The following SKIC3 variants were observed in gnomAD, a reference collection of about 807,000 sequenced individuals.
SKIC3 encodes SKI3 subunit of superkiller complex.
the SKIC3 span, among the ~76,000 whole-genome samples, chr5:95,504,093 G>T: frequency 1.1e-4 from 15 of 139,002 alleles, no homozygotes; most frequent in Non-Finnish European, 2.1e-4. Flanking sequence ...GGGTGGGGGT[G>T]GGGGGTGGGG....
chr5:95,495,032 A>G, the SKIC3 span: 1 of 1,613,018 alleles, frequency 6.2e-7, no homozygotes, highest in East Asian at 2.2e-5. Flanking sequence ...AACAGAAAAT[A>G]TTGATGATTT....
At chr5:95,540,629 T>C in the SKIC3 span, 1 of 1,592,870 alleles carries the variant, frequency 6.3e-7, no homozygotes. Flanking sequence ...GTTTCCATTT[T>C]CTAAATTCAA....
the SKIC3 span, among the ~76,000 whole-genome samples, chr5:95,522,691 G>C: frequency 1.3e-5 from 2 of 151,898 alleles, no homozygotes; most frequent in Non-Finnish European, 2.9e-5. Context: ...GGAAACAATA[G>C]GCATGCTTTA....
the SKIC3 span, chr5:95,491,090 A>T: frequency 6.2e-7 from 1 of 1,605,240 alleles, no homozygotes; most frequent in Non-Finnish European, 8.5e-7. Context: ...CATGTTGCTT[A>T]AAAACTATCA....
chr5:95,480,773 C>T, the SKIC3 span, among the ~76,000 whole-genome samples: 40 of 152,214 alleles, frequency 2.6e-4, no homozygotes, highest in Non-Finnish European at 4.4e-4. Context: ...TAAATATTAT[C>T]GTATGTCCAT....
chr5:95,472,304 C>T, the SKIC3 span, among the ~76,000 whole-genome samples: 1 of 152,188 alleles, frequency 6.6e-6, no homozygotes, highest in African/African-American at 2.4e-5. Context: ...CCTGCCTACC[C>T]TTGGGATTAA....
chr5:95,481,872 A>T, the SKIC3 span, among the ~76,000 whole-genome samples: 1 of 152,238 alleles, frequency 6.6e-6, no homozygotes, highest in Admixed American at 6.5e-5. Flanking sequence ...ATAAATCTAT[A>T]TCAAAAAGCC....
At chr5:95,506,902 T>G in the SKIC3 span, 1 of 1,605,858 alleles carries the variant, frequency 6.2e-7, no homozygotes, top group Middle Eastern at 1.7e-4. Flanking sequence ...TACAATCAAT[T>G]GACAGAATTA....
At chr5:95,547,084 T>C in the SKIC3 span, 5 of 1,613,242 alleles carry the variant, frequency 3.1e-6, no homozygotes, top group Non-Finnish European at 4.2e-6. Flanking sequence ...AAAGCTTCTT[T>C]GTATTCTTTG....
the SKIC3 span, chr5:95,542,054 G>C: frequency 1.5e-6 from 1 of 648,064 alleles, no homozygotes; most frequent in Non-Finnish European, 2.6e-6. Flanking sequence ...ATCTGTCTGA[G>C]ATTTGCCTCT....
chr5:95,540,548 G>A, the SKIC3 span: 12 of 1,023,454 alleles, frequency 1.2e-5, no homozygotes, highest in Non-Finnish European at 1.6e-5. Context: ...ATATACAGGT[G>A]CAAATGAACA....
the SKIC3 span, among the ~76,000 whole-genome samples, chr5:95,471,599 G>A: frequency 1.1e-4 from 17 of 151,272 alleles, no homozygotes; most frequent in African/African-American, 4.1e-4. Flanking sequence ...ATACTTCCCT[G>A]CCCCGCCCCA....
At chr5:95,517,289 G>A in the SKIC3 span, 1 of 1,613,054 alleles carries the variant, frequency 6.2e-7, no homozygotes, top group African/African-American at 1.3e-5. Flanking sequence ...CTAGCTTCCA[G>A]AGGCAGGACA....
the SKIC3 span, chr5:95,495,267 A>G: frequency 2.2e-6 from 1 of 459,000 alleles, no homozygotes. Flanking sequence ...TTCAAAAGTT[A>G]TATAATTTTA....
the SKIC3 span, among the ~76,000 whole-genome samples, chr5:95,532,253 AAT>A: frequency 6.6e-6 from 1 of 152,168 alleles, no homozygotes; most frequent in African/African-American, 2.4e-5. Flanking sequence ...GGTACACGAA[AAT>A]AGTTTCCAAA....
chr5:95,503,741 C>G, the SKIC3 span: 7 of 1,600,302 alleles, frequency 4.4e-6, no homozygotes, highest in Non-Finnish European at 5.1e-6. Context: ...ATTATTACAT[C>G]TTTCTGTATG....
At chr5:95,537,093 T>C in the SKIC3 span, 20 of 1,613,698 alleles carry the variant, frequency 1.2e-5, no homozygotes, top group Non-Finnish European at 1.7e-5. Context: ...TGATCTTCAC[T>C]AGGAATCTTA....
chr5:95,496,866 T>C, the SKIC3 span, among the ~76,000 whole-genome samples: 5 of 152,186 alleles, frequency 3.3e-5, no homozygotes, highest in Non-Finnish European at 5.9e-5. Context: ...TGAAGTGAAC[T>C]ATGAGAGGAT....
the SKIC3 span, chr5:95,523,074 A>C: frequency 1.0e-5 from 13 of 1,276,280 alleles, no homozygotes; most frequent in Non-Finnish European, 1.4e-5. Context: ...AATAAACACC[A>C]ATCAATCATA....
Sources: gnomAD v4.1 joint callset for allele counts (sites outside exome capture counted in the v4.1 genomes callset) on GRCh38, gnomAD v4.1.1 for gene constraint, MANE v1.5 for transcripts, NCBI Gene and HGNC (gene_info 2026-07-23, HGNC 2026-07-21) for gene names.